Variants in GRIA1 observed in about 807,000 individuals in gnomAD.
GRIA1 encodes glutamate receptor 1.
In GRIA1, 31 loss-of-function variants were observed where a neutral mutation model predicts 99.2. The observed-to-expected ratio is 0.31, with a 90% CI of 0.23 to 0.42. The LOEUF (loss-of-function observed/expected upper bound fraction) is 0.42, where lower values mean the gene tolerates loss of function less well. Among genes scored for constraint, GRIA1 ranks in the 10% least tolerant of loss-of-function variants. The pLI is 1.00. For synonymous variants in GRIA1, 438 were observed against 432.4 expected, an observed-to-expected ratio of 1.01 and a Z score of -0.16; for missense variants, 782 against 1,157.5, an observed-to-expected ratio of 0.68 and a Z score of 4.71.
chr5:153,658,831 C>A (rs1239926388), intron 5 of GRIA1, among the ~76,000 whole-genome samples: 3 of 152,070 alleles, frequency 2.0e-5, no homozygotes, highest in Non-Finnish European at 4.4e-5. Flanking sequence ...TTCAAAGTAG[C>A]CAGCAGCATT....
At chr5:153,727,282 C>T (rs1451164132) in intron 11 of GRIA1, among the ~76,000 whole-genome samples, 1 of 152,122 alleles carries the variant, frequency 6.6e-6, no homozygotes, top group Non-Finnish European at 1.5e-5. Flanking sequence ...CAATATCATA[C>T]TGAATGGGCA....
chr5:153,769,512 G>A (rs945850382), intron 12 of GRIA1, among the ~76,000 whole-genome samples: 1 of 152,040 alleles, frequency 6.6e-6, no homozygotes, highest in Non-Finnish European at 1.5e-5. Context: ...AGGGGAGAAG[G>A]CCCAAGGTGA....
At chr5:153,499,108 A>G (rs1052156918) in intron 2 of GRIA1, among the ~76,000 whole-genome samples, 1 of 152,212 alleles carries the variant, frequency 6.6e-6, no homozygotes, top group African/African-American at 2.4e-5. Context: ...AACAAGAATT[A>G]TTTTGAAGAC....
chr5:153,794,022 C>T (rs1765475322), intron 13 of GRIA1, among the ~76,000 whole-genome samples: 1 of 152,192 alleles, frequency 6.6e-6, no homozygotes, highest in Non-Finnish European at 1.5e-5. Context: ...TTAATTACAC[C>T]TTAATCTGAC....
Position 153,550,698 on chromosome 5 carries a change from A to G in GRIA1, c.220+56633A>G, listed in dbSNP as rs552258860. ...GGACAAATAACTTTACCTGTTCCTC[A>G]GCTAAAATGAGGATGTAAATCCTAA... On this transcript the variant is annotated intron_variant, in intron 2 of 15. Coordinates refer to ENST00000285900, the MANE Select transcript of GRIA1 (RefSeq NM_000827.4). 3.9e-5 allele frequency among the ~76,000 whole-genome samples: 6 copies of G among 152,282 alleles called. No homozygotes were observed. In the East Asian group the frequency reaches 1.2e-3, roughly 29 times the overall value.
intron 14 of GRIA1, among the ~76,000 whole-genome samples, chr5:153,801,979 G>A (rs1284599726): frequency 6.6e-6 from 1 of 151,434 alleles, no homozygotes; most frequent in African/African-American, 2.4e-5. Flanking sequence ...CAGGAATGGA[G>A]CTGAAAAGGA....
At chr5:153,512,874 C>A (rs941691437) in intron 2 of GRIA1, among the ~76,000 whole-genome samples, 27 of 152,146 alleles carry the variant, frequency 1.8e-4, no homozygotes, top group African/African-American at 6.5e-4. Flanking sequence ...GTGGGTTTAG[C>A]TGTCGTCATG....
intron 2 of GRIA1, among the ~76,000 whole-genome samples, chr5:153,634,494 G>T (rs1753209919): frequency 6.6e-6 from 1 of 152,036 alleles, no homozygotes; most frequent in African/African-American, 2.4e-5. Context: ...AGAAAGTCGG[G>T]ACTGTCCTGA....
chr5:153,769,461 C>G (rs145230757), intron 12 of GRIA1, among the ~76,000 whole-genome samples: 43 of 152,042 alleles, frequency 2.8e-4, no homozygotes, highest in African/African-American at 1.0e-3. Context: ...TAGACAGAAC[C>G]AGCATCTCAA....
At chr5:153,680,483 G>C (rs1425465913) in intron 7 of GRIA1, among the ~76,000 whole-genome samples, 1 of 152,128 alleles carries the variant, frequency 6.6e-6, no homozygotes, top group Admixed American at 6.5e-5. Flanking sequence ...GAAATCTGTA[G>C]ATTCTTTTGC....
chr5:153,579,585 A>C (rs565467648), intron 2 of GRIA1, among the ~76,000 whole-genome samples: 3 of 152,330 alleles, frequency 2.0e-5, no homozygotes, highest in Non-Finnish European at 2.9e-5. Context: ...TTTGAATGAC[A>C]CATGTTTAGT....
chr5:153,793,622 A>G (rs145862646), intron 13 of GRIA1, among the ~76,000 whole-genome samples: 1 of 152,252 alleles, frequency 6.6e-6, no homozygotes, highest in Non-Finnish European at 1.5e-5. Context: ...CAGCACATAA[A>G]CCCTTATAAG....
intron 15 of GRIA1, among the ~76,000 whole-genome samples, chr5:153,802,784 G>A (rs1227591726): frequency 1.3e-5 from 2 of 152,198 alleles, no homozygotes; most frequent in Non-Finnish European, 2.9e-5. Flanking sequence ...GCAGCGAGAG[G>A]CAAGAGTGAT....
At chr5:153,734,680 C>T (rs1406458853) in intron 11 of GRIA1, among the ~76,000 whole-genome samples, 1 of 152,156 alleles carries the variant, frequency 6.6e-6, no homozygotes, top group Non-Finnish European at 1.5e-5. Context: ...TTTATGGAAA[C>T]ATGGAGCAGA....
intron 2 of GRIA1, among the ~76,000 whole-genome samples, chr5:153,634,347 G>A (rs1347042464): frequency 6.6e-6 from 1 of 151,804 alleles, no homozygotes; most frequent in Non-Finnish European, 1.5e-5. Context: ...AAAAGAGTAG[G>A]ATGAGTATTT....
chr5:153,553,727 C>T (rs1760363562), intron 2 of GRIA1, among the ~76,000 whole-genome samples: 2 of 152,188 alleles, frequency 1.3e-5, no homozygotes, highest in South Asian at 4.1e-4. Flanking sequence ...TGCTTGAGCT[C>T]ATTCACCCAG....
intron 5 of GRIA1, among the ~76,000 whole-genome samples, chr5:153,670,102 C>CT (rs1281641664): frequency 1.3e-5 from 2 of 152,208 alleles, no homozygotes; most frequent in South Asian, 2.1e-4. Context: ...CTCAGAACCA[C>CT]TTTCTGAGAG....
At chr5:153,796,892 G>A (rs1173808063) in intron 14 of GRIA1, among the ~76,000 whole-genome samples, 1 of 149,644 alleles carries the variant, frequency 6.7e-6, no homozygotes, top group Non-Finnish European at 1.5e-5. Flanking sequence ...CCTACTGTCA[G>A]CAAGGCCTGG....
At chr5:153,736,081 T>A (rs770803654) in intron 11 of GRIA1, among the ~76,000 whole-genome samples, 3 of 152,178 alleles carry the variant, frequency 2.0e-5, no homozygotes, top group Non-Finnish European at 4.4e-5. Flanking sequence ...CATGGGACTC[T>A]AGTGCAGAGG....
Sources: allele counts gnomAD v4.1 joint callset (sites outside exome capture counted in the v4.1 genomes callset), GRCh38; gene constraint gnomAD v4.1.1; transcripts MANE v1.5; gene names NCBI Gene and HGNC (gene_info 2026-07-23, HGNC 2026-07-21).